ANKRD13C: variants seen among roughly 807,000 people sequenced by gnomAD.
ANKRD13C encodes ankyrin repeat domain-containing protein 13C.
ANKRD13C carries 16 observed loss-of-function variants against 65.5 expected under a neutral mutation model. The ratio of observed to expected loss-of-function variants is 0.24; its 90% confidence interval spans 0.17 to 0.37. The LOEUF is 0.37. Ranked by LOEUF, ANKRD13C falls within the 10% of genes least tolerant of loss-of-function variation. The pLI, the probability that ANKRD13C is intolerant of heterozygous loss-of-function variation, is 1.00. For synonymous variants in ANKRD13C, 235 were observed against 238.7 expected (o/e 0.98, Z 0.14); for missense variants, 503 against 655.9 (o/e 0.77, Z 2.55).
chr1:70,269,045 C>A lies in ANKRD13C; in HGVS notation c.1495+1811G>T, dbSNP rs72929237. On this transcript the variant is annotated intron_variant, in intron 12 of 12. Transcript: ENST00000370944. ...CCAATGCTATCCCTCCCCCCTCCCCCCTAATTTCCAAATTTTTATAATTTA... is the reference window on the plus strand; with the variant it reads ...CCAATGCTATCCCTCCCCCCTCCCCACTAATTTCCAAATTTTTATAATTTA... Among the ~76,000 whole-genome samples, 405 of 141,438 alleles carry A rather than the reference C, an allele frequency of 2.9e-3. 1 individual carries two copies. The highest frequency in any genetic ancestry group is 9.9e-3 in the African/African-American group (378 of 38,264). 92.8% of individuals were successfully genotyped at this position (141,438 alleles called of 152,430 possible).
chr1:70,272,608 T>G (rs996268625), intron 11 of ANKRD13C, among the ~76,000 whole-genome samples: 1 of 151,934 alleles, frequency 6.6e-6, no homozygotes, highest in African/African-American at 2.4e-5. Context: ...TCATGTAACA[T>G]ATCTGAAATT....
At chr1:70,295,498 G>A (rs188561070) in intron 8 of ANKRD13C, among the ~76,000 whole-genome samples, 25 of 151,928 alleles carry the variant, frequency 1.6e-4, no homozygotes, top group African/African-American at 5.3e-4. Flanking sequence ...CGCCGGCCTC[G>A]GCCTCCCAAA....
chr1:70,331,962 A>T (rs1681826639), intron 2 of ANKRD13C, among the ~76,000 whole-genome samples: 1 of 152,220 alleles, frequency 6.6e-6, no homozygotes, highest in African/African-American at 2.4e-5. Context: ...TATTTTAAAA[A>T]GAGAATTATA....
At chr1:70,297,286 G>GGTTTTTTTTTTTTTTTTTT (rs1558281019) in intron 7 of ANKRD13C, among the ~76,000 whole-genome samples, 6 of 125,114 alleles carry the variant, frequency 4.8e-5, no homozygotes, top group African/African-American at 1.2e-4. Flanking sequence ...GTCCCTTTCT[G>GGTTTTTTTTTTTTTTTTTT]ATTTTTTTTT....
At chr1:70,285,342 A>C (rs1036158078) in intron 9 of ANKRD13C, among the ~76,000 whole-genome samples, 2 of 151,448 alleles carry the variant, frequency 1.3e-5, no homozygotes, top group African/African-American at 4.9e-5. Context: ...ACAGGCACGC[A>C]CTACCATGCC....
intron 3 of ANKRD13C, among the ~76,000 whole-genome samples, chr1:70,323,075 G>A (rs544352325): frequency 6.6e-6 from 1 of 152,180 alleles, no homozygotes; most frequent in African/African-American, 2.4e-5. Flanking sequence ...TCTCCATTCT[G>A]TTAATTAGTT....
intron 9 of ANKRD13C, among the ~76,000 whole-genome samples, chr1:70,277,416 C>G (rs1159041233): frequency 6.7e-6 from 1 of 148,878 alleles, no homozygotes; most frequent in Non-Finnish European, 1.5e-5. Flanking sequence ...GAGATCGTGC[C>G]ACTGCACTCC....
intron 2 of ANKRD13C, among the ~76,000 whole-genome samples, chr1:70,325,510 T>C (rs1048933776): frequency 6.6e-6 from 1 of 152,232 alleles, no homozygotes; most frequent in Non-Finnish European, 1.5e-5. Context: ...CAAATCTAGA[T>C]AGTTTTTCAA....
chr1:70,268,442 G>A (rs970862531), intron 12 of ANKRD13C, among the ~76,000 whole-genome samples: 80 of 152,280 alleles, frequency 5.3e-4, no homozygotes, highest in African/African-American at 1.5e-3. Context: ...GATTACAGGC[G>A]TCAGCCACTG....
At chr1:70,272,213 A>T (rs1678916139) in intron 11 of ANKRD13C, among the ~76,000 whole-genome samples, 2 of 144,200 alleles carry the variant, frequency 1.4e-5, no homozygotes, top group African/African-American at 5.2e-5. Context: ...TGGCATTTGT[A>T]TGCTGTGTTC....
At chr1:70,265,839 A>G (rs1209716666) in intron 12 of ANKRD13C, among the ~76,000 whole-genome samples, 2 of 149,232 alleles carry the variant, frequency 1.3e-5, no homozygotes, top group Admixed American at 6.7e-5. Context: ...AAAAAAAAAA[A>G]AAAAAAAAAA....
chr1:70,289,980 TG>T (rs1317163383), intron 9 of ANKRD13C, among the ~76,000 whole-genome samples: 5 of 152,200 alleles, frequency 3.3e-5, no homozygotes. Context: ...TTCTATTTCC[TG>T]AGTGCATTTT....
At chr1:70,320,885 G>A (rs753329092) in intron 3 of ANKRD13C, among the ~76,000 whole-genome samples, 1 of 151,760 alleles carries the variant, frequency 6.6e-6, no homozygotes, top group Non-Finnish European at 1.5e-5. Flanking sequence ...CACCTCCCAG[G>A]GTCAAGCAAT....
chr1:70,278,654 A>G (rs1253038219), intron 9 of ANKRD13C, among the ~76,000 whole-genome samples: 2 of 152,216 alleles, frequency 1.3e-5, no homozygotes, highest in Admixed American at 6.5e-5. Context: ...GATGTTAATA[A>G]CATTGAGAGG....
intron 2 of ANKRD13C, among the ~76,000 whole-genome samples, chr1:70,329,273 G>A (rs1681681423): frequency 6.6e-6 from 1 of 152,176 alleles, no homozygotes; most frequent in African/African-American, 2.4e-5. Flanking sequence ...GCTCACACTT[G>A]TAATCCCAGC....
Position 70,262,749 on chromosome 1 carries a change from T to G in ANKRD13C, c.1594A>C (p.Lys532Gln), listed in dbSNP as rs1678437799. The change falls in exon 13 of 13, where the codon AAG becomes CAG. Residue 532 changes from lysine (K) to glutamine (Q), a missense_variant. Physicochemically the swap from Lys to Gln is moderately conservative, Grantham distance 53 (BLOSUM62 1). Transcript: ENST00000370944. ...TCAGGAAAACGGCTTGGGTCTTCCT[T>G]GTAGTCATCAGGTATAGTAAAGATG... ...GSIFTIPDDY[K>Q]EDPSRFPDL The G allele has an allele frequency of 6.2e-7, 1 of 1,613,514 alleles. No individual in the cohort carries two copies.
At chr1:70,343,052 T>C (rs1384881672) in intron 1 of ANKRD13C, among the ~76,000 whole-genome samples, 1 of 152,184 alleles carries the variant, frequency 6.6e-6, no homozygotes, top group African/African-American at 2.4e-5. Context: ...CATCAGTACC[T>C]ACTGAAGTTA....
At chr1:70,322,779 C>T (rs1251400184) in intron 3 of ANKRD13C, among the ~76,000 whole-genome samples, 3 of 152,024 alleles carry the variant, frequency 2.0e-5, no homozygotes, top group Non-Finnish European at 2.9e-5. Flanking sequence ...GATCACCTGA[C>T]GTCAGGAGTT....
chr1:70,335,181 CG>C (rs1478597782), intron 2 of ANKRD13C, among the ~76,000 whole-genome samples: 1 of 151,852 alleles, frequency 6.6e-6, no homozygotes, highest in Non-Finnish European at 1.5e-5. Context: ...CCGAGGCAGG[CG>C]GATCATGAGG....
Sources: allele counts gnomAD v4.1 joint callset (sites outside exome capture counted in the v4.1 genomes callset), GRCh38; gene constraint gnomAD v4.1.1; transcripts MANE v1.5; gene names NCBI Gene and HGNC (gene_info 2026-07-23, HGNC 2026-07-21).